The following ZNF704 variants were observed in gnomAD, a reference collection of about 807,000 sequenced individuals.
The protein encoded by ZNF704 is zinc finger protein 704.
In ZNF704, 10 loss-of-function variants were observed where a neutral mutation model predicts 44.7. That is an observed-to-expected ratio of 0.22 (90% CI 0.14 to 0.38). ZNF704 has a LOEUF of 0.38. Ranked by LOEUF, ZNF704 falls within the 10% of genes least tolerant of loss-of-function variation. The pLI is 1.00. For synonymous variants in ZNF704, 211 were observed against 207.6 expected (o/e 1.02, Z -0.14); for missense variants, 390 against 545.5 (o/e 0.71, Z 2.84).
At chr8:80,780,375 G>A (rs764860870) in intron 2 of ZNF704, among the ~76,000 whole-genome samples, 2 of 152,080 alleles carry the variant, frequency 1.3e-5, no homozygotes, top group Non-Finnish European at 2.9e-5. Context: ...CTTGAGAAGC[G>A]GATGGAATCT....
intron 8 of ZNF704, among the ~76,000 whole-genome samples, chr8:80,641,728 G>T (rs901698532): frequency 1.3e-5 from 2 of 152,132 alleles, no homozygotes; most frequent in African/African-American, 4.8e-5. Flanking sequence ...AATTAGCCAG[G>T]CATGTACCTG....
At chr8:80,712,773 G>T (rs1023248697) in intron 2 of ZNF704, among the ~76,000 whole-genome samples, 1 of 151,776 alleles carries the variant, frequency 6.6e-6, no homozygotes, top group Non-Finnish European at 1.5e-5. Flanking sequence ...CTCCAGCCTG[G>T]GCAACAAGAG....
chr8:80,654,165 C>T (rs1185137470), intron 7 of ZNF704, among the ~76,000 whole-genome samples: 1 of 151,588 alleles, frequency 6.6e-6, no homozygotes, highest in African/African-American at 2.4e-5. Context: ...GGATCCCTTC[C>T]TTACACCTTA....
intron 5 of ZNF704, among the ~76,000 whole-genome samples, chr8:80,665,665 C>T (rs1377142574): frequency 1.3e-5 from 2 of 151,900 alleles, no homozygotes; most frequent in African/African-American, 2.4e-5. Flanking sequence ...TTGTACCCCC[C>T]CATTCAACCT....
At chr8:80,660,590 C>T (rs1174136150) in intron 6 of ZNF704, among the ~76,000 whole-genome samples, 1 of 151,520 alleles carries the variant, frequency 6.6e-6, no homozygotes, top group Non-Finnish European at 1.5e-5. Flanking sequence ...TAAAAACAGA[C>T]ACATATACCA....
At position 80,629,405 on chromosome 8, in the gene ZNF704, G is replaced by GT. The variant is rs1270084713; in HGVS notation, c.*11960dup. 1.3e-5 allele frequency: 2 copies of GT among 152,162 alleles called. No individual in the cohort carries two copies. The highest frequency in any genetic ancestry group is 2.9e-5 in the Non-Finnish European group (2 of 68,032). 9.4% of individuals were successfully genotyped at this position (152,162 alleles called of 1,614,324 possible). On this transcript the variant is annotated 3_prime_UTR_variant, in exon 9 of 9. Transcript: ENST00000327835. ...CCTTAAGTACCAGGTTTAGAAATGCGTGTTTTTTTCCCCCCGTATTTTACA... is the reference window on the plus strand; with the variant it reads ...CCTTAAGTACCAGGTTTAGAAATGCGTTGTTTTTTTCCCCCCGTATTTTACA...
intron 2 of ZNF704, among the ~76,000 whole-genome samples, chr8:80,754,014 C>T (rs1806993377): frequency 1.3e-5 from 2 of 152,268 alleles, no homozygotes; most frequent in African/African-American, 2.4e-5. Flanking sequence ...AAGCAAGCAG[C>T]TGCCAGTCTT....
At chr8:80,683,471 GC>G (rs1818486554) in intron 4 of ZNF704, among the ~76,000 whole-genome samples, 1 of 152,164 alleles carries the variant, frequency 6.6e-6, no homozygotes, top group African/African-American at 2.4e-5. Context: ...CATAGCTGTA[GC>G]TATGTCTGAT....
At position 80,632,670 on chromosome 8, in the gene ZNF704, A is replaced by G. The variant is rs1327374863; in HGVS notation, c.*8696T>C. 1.3e-5 allele frequency: 2 copies of G among 152,246 alleles called. No homozygotes were observed. Among genetic ancestry groups the G allele is most frequent in the Non-Finnish European group, 2.9e-5 (2 of 68,044 alleles). 9.4% of individuals were successfully genotyped at this position (152,246 alleles called of 1,614,324 possible). A position where few individuals can be genotyped will look rare whatever the true frequency, so the allele number is the denominator to read the frequency against. Reference sequence around the variant, plus strand: ...GTGGTGGTGCCTAACATGAAAGAACATTTTAAAAAACAAGGACTACAGTTT... The same window carrying G: ...GTGGTGGTGCCTAACATGAAAGAACGTTTTAAAAAACAAGGACTACAGTTT... On this transcript the variant is annotated 3_prime_UTR_variant, in exon 9 of 9. Coordinates refer to ENST00000327835, the MANE Select transcript of ZNF704 (RefSeq NM_001033723.3).
chr8:80,670,787 T>C (rs919221530), intron 4 of ZNF704, among the ~76,000 whole-genome samples, 184 bp from the exon 5 acceptor site: 4 of 152,192 alleles, frequency 2.6e-5, no homozygotes, highest in Non-Finnish European at 5.9e-5. Flanking sequence ...CCTCAGTTAT[T>C]TCCTCATATC....
chr8:80,849,268 C>G (rs556958522), intron 1 of ZNF704, among the ~76,000 whole-genome samples: 1 of 152,288 alleles, frequency 6.6e-6, no homozygotes, highest in Admixed American at 6.5e-5. Context: ...TATCCAGATG[C>G]ACAGACTTAT....
intron 2 of ZNF704, among the ~76,000 whole-genome samples, chr8:80,740,487 C>A (rs771370195): frequency 6.6e-6 from 1 of 152,148 alleles, no homozygotes; most frequent in Non-Finnish European, 1.5e-5. Flanking sequence ...AAGCCCAAGG[C>A]CTAGTAAAAC....
intron 2 of ZNF704, among the ~76,000 whole-genome samples, chr8:80,725,452 G>A (rs879367352): frequency 1.2e-4 from 18 of 152,038 alleles, no homozygotes; most frequent in African/African-American, 3.4e-4. Flanking sequence ...CCTACATCAC[G>A]TATATGGAAT....
intron 2 of ZNF704, among the ~76,000 whole-genome samples, chr8:80,752,577 T>C (rs1428116404): frequency 6.6e-6 from 1 of 152,070 alleles, no homozygotes; most frequent in Non-Finnish European, 1.5e-5. Flanking sequence ...GTTTCGTTCT[T>C]GTTGCCCAGG....
At chr8:80,842,777 G>T (rs993721984) in intron 1 of ZNF704, among the ~76,000 whole-genome samples, 17 of 152,180 alleles carry the variant, frequency 1.1e-4, no homozygotes, top group African/African-American at 4.1e-4. Flanking sequence ...AGAAAGCACA[G>T]GAAATCAGAA....
chr8:80,776,769 C>T (rs1224206196), intron 2 of ZNF704: 1 of 152,206 alleles, frequency 6.6e-6, no homozygotes, highest in African/African-American at 2.4e-5. Context: ...CTATTTTCAA[C>T]TTGTGCCATT....
chr8:80,781,974 T>C (rs1807531100), intron 2 of ZNF704, among the ~76,000 whole-genome samples: 1 of 152,166 alleles, frequency 6.6e-6, no homozygotes, highest in African/African-American at 2.4e-5. Context: ...TAGACATCAG[T>C]TAAATGTAAT....
intron 2 of ZNF704, among the ~76,000 whole-genome samples, chr8:80,810,184 A>G (rs968612421): frequency 6.6e-6 from 1 of 152,194 alleles, no homozygotes; most frequent in Non-Finnish European, 1.5e-5. Context: ...CATTTTTGAA[A>G]TGCCAATCTT....
chr8:80,761,096 C>T (rs991544353), intron 2 of ZNF704, among the ~76,000 whole-genome samples: 2 of 152,100 alleles, frequency 1.3e-5, no homozygotes, highest in Admixed American at 1.3e-4. Context: ...TACCAGTACC[C>T]TTATACAAGG....
Sources: gnomAD v4.1 joint callset for allele counts (sites outside exome capture counted in the v4.1 genomes callset) on GRCh38, gnomAD v4.1.1 for gene constraint, MANE v1.5 for transcripts, NCBI Gene and HGNC (gene_info 2026-07-23, HGNC 2026-07-21) for gene names.